The following PCDHGA1 variants were observed in gnomAD, a reference collection of about 807,000 sequenced individuals.
PCDHGA1 encodes protocadherin gamma-A1.
In PCDHGA1, 32 loss-of-function variants were observed where a neutral mutation model predicts 58.0. The ratio of observed to expected loss-of-function variants is 0.55; its 90% CI spans 0.42 to 0.74. The LOEUF (loss-of-function observed/expected upper bound fraction) is 0.74. PCDHGA1 is among the 30% of genes least tolerant of loss of function. The probability of loss-of-function intolerance (pLI) is 0.00; values close to 1 mark genes in which losing one functional copy is unlikely to be tolerated. For missense variants in PCDHGA1, 1,205 were observed against 1,182.3 expected (o/e 1.02, Z -0.28); for synonymous variants, 498 against 501.1 (o/e 0.99, Z 0.08).
rs1225025591 is a variant in PCDHGA1 at position 141,493,316 on chromosome 5, T to G, written c.2422-1491T>G. Among the ~76,000 whole-genome samples, 2 of 152,198 alleles carry G rather than the reference T, an allele frequency of 1.3e-5. No homozygotes were observed. The highest frequency in any genetic ancestry group is 2.1e-4 in the South Asian group (1 of 4,826). Reference sequence around the variant, plus strand: ...AGTTCACAGAGCAAGTAAGAGAGATTCTAACCCCTGTCTAACTCCAGAATG... The same window carrying G: ...AGTTCACAGAGCAAGTAAGAGAGATGCTAACCCCTGTCTAACTCCAGAATG... On this transcript the variant is annotated intron_variant, in intron 1 of 3. Coordinates refer to ENST00000517417, the MANE Select transcript of PCDHGA1 (RefSeq NM_018912.3). This position sits in a 1 kb window ranked among gnomAD's most constrained non-coding sequence, Gnocchi z 4.3.
intron 1 of PCDHGA1, chr5:141,410,448 C>T: frequency 6.2e-7 from 1 of 1,614,006 alleles, no homozygotes; most frequent in Non-Finnish European, 8.5e-7. Context: ...GGGACTTTGC[C>T]TTATTCTTAT....
Position 141,490,348 on chromosome 5 carries a change from G to T in PCDHGA1, c.2422-4459G>T, listed in dbSNP as rs2099698964. On this transcript the variant is annotated intron_variant, in intron 1 of 3. Transcript: ENST00000517417. The surrounding 1 kb of genome is among the most constrained non-coding windows in gnomAD (Gnocchi z 5.4). ...GAGCACACCAGTGGGCACAGTAGTG[G>T]GGTTGTTTAATGTGCGAGACCGGGA... The T allele has an allele frequency of 1.2e-6, 2 of 1,614,080 alleles. No homozygotes were observed. The highest frequency in any genetic ancestry group is 3.3e-5 in the Admixed American group (2 of 60,018).
At chr5:141,403,102 G>T (rs765706858) in intron 1 of PCDHGA1, 1 of 1,614,046 alleles carries the variant, frequency 6.2e-7, no homozygotes, top group Admixed American at 1.7e-5. Context: ...ACATCTCCAA[G>T]GACCTGGCTC....
At chr5:141,421,788 G>C (rs1262781272) in intron 1 of PCDHGA1, 7 of 1,613,682 alleles carry the variant, frequency 4.3e-6, no homozygotes, top group Admixed American at 3.3e-5. Flanking sequence ...GGGGCAGAAC[G>C]GATGGGGCCA....
intron 1 of PCDHGA1, among the ~76,000 whole-genome samples, chr5:141,474,266 G>A (rs1420620306): frequency 6.6e-6 from 1 of 152,186 alleles, no homozygotes; most frequent in Non-Finnish European, 1.5e-5. Context: ...ATAAACCAGT[G>A]TATCTCTGAA....
intron 1 of PCDHGA1, among the ~76,000 whole-genome samples, chr5:141,472,026 G>C (rs2099269805): frequency 6.6e-6 from 1 of 152,108 alleles, no homozygotes; most frequent in Non-Finnish European, 1.5e-5. Context: ...ATTGTATGTA[G>C]AAAGCTGTGA....
At position 141,421,030 on chromosome 5, in the gene PCDHGA1, G is replaced by A. The variant is rs989158485; in HGVS notation, c.2422-73777G>A. The stretch of plus-strand genomic sequence containing the variant: ...GGAATGGGAAGCTGCGCGCCATTGA[G>A]TCCCTCCCTCCCCCGCCTCTACCAC... On this transcript the variant is annotated intron_variant, in intron 1 of 3. Coordinates refer to ENST00000517417, the MANE Select transcript of PCDHGA1 (RefSeq NM_018912.3). 39 of 532,352 alleles carry A rather than the reference G, an allele frequency of 7.3e-5. No homozygotes were observed. In the East Asian group the frequency reaches 1.2e-3, roughly 17 times the overall value. 33.0% of individuals were successfully genotyped at this position (532,352 alleles called of 1,614,324 possible). A position where few individuals can be genotyped will look rare whatever the true frequency, so the allele number is the denominator to read the frequency against.
At chr5:141,422,639 C>A (rs777330051) in intron 1 of PCDHGA1, 1 of 1,612,780 alleles carries the variant, frequency 6.2e-7, no homozygotes, top group South Asian at 1.1e-5. Context: ...AGGGGTGCCT[C>A]CATCTTCTCA....
rs532830928 is a variant in PCDHGA1 at position 141,473,487 on chromosome 5, A to G, written c.2422-21320A>G. Reference sequence around the variant, plus strand: ...TTGTGCCAAGTTCAATGGAAAAAATATAAGGTGTTCTGAGAGAGCATAACA... The same window carrying G: ...TTGTGCCAAGTTCAATGGAAAAAATGTAAGGTGTTCTGAGAGAGCATAACA... On this transcript the variant is annotated intron_variant, in intron 1 of 3. Coordinates refer to ENST00000517417, the MANE Select transcript of PCDHGA1 (RefSeq NM_018912.3). 2.0e-3 allele frequency among the ~76,000 whole-genome samples: 310 copies of G among 152,242 alleles called. 5 individuals carry two copies. The South Asian group carries it at 0.052, about 25-fold the overall frequency.
chr5:141,483,245 A>G (rs2099578786), intron 1 of PCDHGA1, among the ~76,000 whole-genome samples: 1 of 151,456 alleles, frequency 6.6e-6, no homozygotes, highest in Non-Finnish European at 1.5e-5. Flanking sequence ...TGATATGCAT[A>G]TATCATGAGG....
intron 1 of PCDHGA1, chr5:141,393,601 C>T (rs1392489335): frequency 8.1e-6 from 13 of 1,613,812 alleles, no homozygotes; most frequent in Non-Finnish European, 1.1e-5. Flanking sequence ...CGGCTGCTTA[C>T]TGTAACAGCC....
intron 1 of PCDHGA1, among the ~76,000 whole-genome samples, chr5:141,425,769 A>C (rs1355689852): frequency 6.6e-6 from 1 of 152,256 alleles, no homozygotes; most frequent in Non-Finnish European, 1.5e-5. Flanking sequence ...ACAGGAGAGA[A>C]GACTTTGCCT....
At chr5:141,500,618 C>A (rs554274946) in intron 2 of PCDHGA1, among the ~76,000 whole-genome samples, 27 of 152,260 alleles carry the variant, frequency 1.8e-4, no homozygotes, top group African/African-American at 6.5e-4. Context: ...CCCAGTCATA[C>A]GGTACATTTC....
intron 1 of PCDHGA1, among the ~76,000 whole-genome samples, chr5:141,443,772 C>T (rs1284723564): frequency 6.6e-6 from 1 of 151,568 alleles, no homozygotes; most frequent in Non-Finnish European, 1.5e-5. Context: ...TACAATATTA[C>T]CAAAAAGACA....
intron 1 of PCDHGA1, chr5:141,411,430 A>C (rs918915726): frequency 6.6e-6 from 1 of 151,188 alleles, no homozygotes; most frequent in Admixed American, 6.6e-5. Context: ...CAACAAAAAA[A>C]AACATTAGCA....
At chr5:141,351,050 A>G (rs1758630679) in intron 1 of PCDHGA1, 1 of 1,614,080 alleles carries the variant, frequency 6.2e-7, no homozygotes, top group East Asian at 2.2e-5. Context: ...GGTGATGGCC[A>G]CAGACCAGGA....
chr5:141,433,220 T>A (rs781745522), intron 1 of PCDHGA1: 2 of 1,509,720 alleles, frequency 1.3e-6, no homozygotes, highest in Non-Finnish European at 1.8e-6. Flanking sequence ...TTTTTTTTTT[T>A]AATTGCTCTG....
At chr5:141,410,047 A>G in intron 1 of PCDHGA1, 1 of 1,612,420 alleles carries the variant, frequency 6.2e-7, no homozygotes. Flanking sequence ...GTGAGCCCGG[A>G]CTCTTCAGCC....
At position 141,399,286 on chromosome 5, in the gene PCDHGA1, C is replaced by T; in HGVS notation, c.2421+66181C>T. 3.1e-6 allele frequency: 5 copies of T among 1,613,858 alleles called. No individual in the cohort carries two copies. In the South Asian group the frequency reaches 5.5e-5, roughly 18 times the overall value. ...TAATTGTCAATTACAAGGCGAAGTCCCTTTTAAGATTATCTCTTCATCCAA... is the reference window on the plus strand; with the variant it reads ...TAATTGTCAATTACAAGGCGAAGTCTCTTTTAAGATTATCTCTTCATCCAA... On this transcript the variant is annotated intron_variant, in intron 1 of 3. Transcript: ENST00000517417.
Sources: allele counts gnomAD v4.1 joint callset (sites outside exome capture counted in the v4.1 genomes callset), GRCh38; gene constraint gnomAD v4.1.1; non-coding constraint Gnocchi (gnomAD v3.1); transcripts MANE v1.5; gene names NCBI Gene and HGNC (gene_info 2026-07-23, HGNC 2026-07-21).